Variants in PNLIP observed in about 807,000 individuals in gnomAD.
The protein encoded by PNLIP is pancreatic triacylglycerol lipase.
PNLIP carries 49 observed loss-of-function variants against 57.1 expected under a neutral mutation model. The ratio of observed to expected loss-of-function variants is 0.86; its 90% CI spans 0.68 to 1.09. PNLIP has a LOEUF of 1.09. Ranked by LOEUF, PNLIP falls within the 50% of genes least tolerant of loss-of-function variation. The pLI, the probability that PNLIP is intolerant of heterozygous loss-of-function variation, is 0.00. For synonymous variants in PNLIP, 209 were observed against 200.4 expected, an observed-to-expected ratio of 1.04 and a Z score of -0.36; for missense variants, 503 against 570.2, an observed-to-expected ratio of 0.88 and a Z score of 1.20.
At chr10:116,549,566 T>A (rs1173264022) in intron 4 of PNLIP, among the ~76,000 whole-genome samples, 1 of 151,778 alleles carries the variant, frequency 6.6e-6, no homozygotes, top group African/African-American at 2.4e-5. Context: ...GCAGAATGAG[T>A]CAACTCCAGA....
intron 12 of PNLIP, among the ~76,000 whole-genome samples, chr10:116,567,049 T>TTCCTTTCTTCTTTCCTTCCC (rs1475653277): frequency 3.3e-5 from 5 of 149,778 alleles, no homozygotes; most frequent in Non-Finnish European, 5.9e-5. Context: ...CTTTCCTTCC[T>TTCCTTTCTTCTTTCCTTCCC]TCCTTTCTTC....
rs953795510 is a variant in PNLIP, at chr10:116,547,524, A to C, written c.201+76A>C. 37 of 1,195,140 alleles carry C rather than the reference A, an allele frequency of 3.1e-5. No homozygotes were observed. In the Middle Eastern group the frequency reaches 9.9e-4, roughly 32 times the overall value. The allele number at this position is 1,195,140 out of a possible 1,614,324, so 74.0% of individuals were successfully genotyped here. Reference sequence around the variant, plus strand: ...GGCGGTTCACGAGGTCAGGAGATCGAGACCATGCTGGCTAACATGGTGAAA... The same window carrying C: ...GGCGGTTCACGAGGTCAGGAGATCGCGACCATGCTGGCTAACATGGTGAAA... On this transcript the variant is annotated intron_variant, in intron 3 of 12. Coordinates refer to ENST00000369221, the MANE Select transcript of PNLIP (RefSeq NM_000936.4).
intron 9 of PNLIP, among the ~76,000 whole-genome samples, chr10:116,557,197 A>G (rs1295216181): frequency 6.6e-6 from 1 of 152,154 alleles, no homozygotes; most frequent in Non-Finnish European, 1.5e-5. Flanking sequence ...ATACCCAACA[A>G]TAAGTAATGG....
Position 116,559,135 on chromosome 10 carries a change from A to G in PNLIP, c.931-19A>G. The G allele has an allele frequency of 6.2e-7, 1 of 1,601,354 alleles. No homozygotes were observed. Among genetic ancestry groups the G allele is most frequent in the South Asian group, 1.1e-5 (1 of 87,862 alleles). ...AAAAGATAGGGCATCCTCATTCATC[A>G]TTTGTTTGTTTTCACTAGAACAAGT... On this transcript the variant is annotated intron_variant, in intron 9 of 12. Transcript: ENST00000369221.
At chr10:116,563,962 T>A (rs1210528798) in intron 12 of PNLIP, among the ~76,000 whole-genome samples, 1 of 152,146 alleles carries the variant, frequency 6.6e-6, no homozygotes, top group African/African-American at 2.4e-5. Context: ...TAAGACCCTT[T>A]TTTAGGTCTT....
chr10:116,563,134 C>T (rs767774289), intron 12 of PNLIP, among the ~76,000 whole-genome samples: 37 of 152,066 alleles, frequency 2.4e-4, no homozygotes, highest in Non-Finnish European at 3.8e-4. Context: ...AACCTGTATC[C>T]ATTTGCTTAA....
chr10:116,558,195 CT>C (rs1318198436), intron 9 of PNLIP, among the ~76,000 whole-genome samples: 8 of 123,132 alleles, frequency 6.5e-5, no homozygotes, highest in Admixed American at 5.1e-4. Flanking sequence ...TGCAATCTTT[CT>C]TTCTTTTTTT....
chr10:116,549,720 T>C (rs1215015195), intron 4 of PNLIP, among the ~76,000 whole-genome samples: 2 of 152,182 alleles, frequency 1.3e-5, no homozygotes, highest in African/African-American at 4.8e-5. Flanking sequence ...AATAGATATT[T>C]ATAGAACAGC....
intron 9 of PNLIP, among the ~76,000 whole-genome samples, chr10:116,557,461 G>A (rs763729799): frequency 6.6e-6 from 1 of 152,162 alleles, no homozygotes; most frequent in Non-Finnish European, 1.5e-5. Flanking sequence ...GTCCATGGGT[G>A]TAAAGTTTTT....
chr10:116,549,912 G>A (rs905759459), intron 4 of PNLIP, among the ~76,000 whole-genome samples: 1 of 152,016 alleles, frequency 6.6e-6, no homozygotes, highest in African/African-American at 2.4e-5. Context: ...TAAACTAGAA[G>A]GATAAAGGTT....
At chr10:116,555,130 T>C (rs778476564) in intron 6 of PNLIP, 48 bp from the exon 7 acceptor site, 1 of 1,607,494 alleles carries the variant, frequency 6.2e-7, no homozygotes, top group East Asian at 2.2e-5. Context: ...CTCTTAATAC[T>C]TGTACTCAGG....
intron 6 of PNLIP, among the ~76,000 whole-genome samples, chr10:116,554,910 T>C (rs1453267843): frequency 6.6e-6 from 1 of 152,180 alleles, no homozygotes; most frequent in East Asian, 1.9e-4. Flanking sequence ...TGGTTTTTAG[T>C]CCAGTGTGTC....
rs748231910 is a variant in PNLIP at position 116,548,427 on chromosome 10, T to C, written c.269T>C (p.Ile90Thr). ...AAAACAAATAGAAAAACTCGCTTTA[T>C]TATTCATGGATTCATAGACAAGGGA... ...NFKTNRKTRF[I>T]IHGFIDKGEE... Residue 90 changes from isoleucine to threonine, a missense_variant, in exon 4 of 13, where the codon ATT becomes ACT. Physicochemically the swap from Ile to Thr is moderately conservative, Grantham distance 89. Transcript: ENST00000369221. The C allele has an allele frequency of 1.4e-5, 22 of 1,613,988 alleles. No homozygotes were observed. The South Asian group carries it at 2.3e-4, about 17-fold the overall frequency.
At chr10:116,553,263 G>A (rs1022210504) in intron 5 of PNLIP, among the ~76,000 whole-genome samples, 12 of 152,058 alleles carry the variant, frequency 7.9e-5, no homozygotes, top group Non-Finnish European at 1.3e-4. Context: ...CCACCACCAC[G>A]CCCAGGTAAT....
intron 4 of PNLIP, among the ~76,000 whole-genome samples, chr10:116,549,507 T>C: frequency 1.3e-5 from 2 of 149,274 alleles, no homozygotes; most frequent in African/African-American, 2.5e-5. Flanking sequence ...GACACAAAGG[T>C]CCTCCTAAGC....
chr10:116,567,538 C>T (rs1847382849), intron 12 of PNLIP, among the ~76,000 whole-genome samples, 197 bp from the exon 13 acceptor site: 1 of 152,140 alleles, frequency 6.6e-6, no homozygotes, highest in African/African-American at 2.4e-5. Context: ...AGCTATTGCA[C>T]AACCAGAAAA....
chr10:116,555,906 T>C, intron 8 of PNLIP, 94 bp from the exon 9 acceptor site: 1 of 767,686 alleles, frequency 1.3e-6, no homozygotes, highest in Non-Finnish European at 2.3e-6. Flanking sequence ...CTCACACTAA[T>C]TAGAGAAATC....
chr10:116,566,816 G>A (rs1476895637), intron 12 of PNLIP, among the ~76,000 whole-genome samples: 5 of 152,004 alleles, frequency 3.3e-5, no homozygotes, highest in Admixed American at 3.3e-4. Context: ...TCCTATTTGT[G>A]AGGCTGCCAG....
chr10:116,547,224 T>C, intron 2 of PNLIP, 70 bp from the exon 3 acceptor site: 2 of 1,433,920 alleles, frequency 1.4e-6, no homozygotes, highest in Non-Finnish European at 2.0e-6. Flanking sequence ...GTAATTGAAC[T>C]CATATATTGG....
Sources: allele counts gnomAD v4.1 joint callset (sites outside exome capture counted in the v4.1 genomes callset), GRCh38; gene constraint gnomAD v4.1.1; transcripts MANE v1.5; gene names NCBI Gene and HGNC (gene_info 2026-07-23, HGNC 2026-07-21).